DPP6: variants seen among roughly 807,000 people sequenced by gnomAD.
DPP6 encodes the protein dipeptidyl peptidase like 6, also known as A-type potassium channel modulatory protein DPP6.
DPP6 carries 69 observed loss-of-function variants against 122.6 expected under a neutral mutation model. The observed-to-expected ratio is 0.56, with a 90% CI of 0.46 to 0.69. DPP6 has a LOEUF of 0.69. Among genes scored for constraint, DPP6 ranks in the 30% least tolerant of loss-of-function variants. DPP6 has a pLI of 0.00. For synonymous variants in DPP6, 418 were observed against 433.1 expected (o/e 0.97, Z 0.43); for missense variants, 928 against 1,116.9 (o/e 0.83, Z 2.41).
intron 1 of DPP6, among the ~76,000 whole-genome samples, chr7:154,157,036 C>A (rs1375174254): frequency 1.3e-5 from 2 of 152,194 alleles, no homozygotes; most frequent in South Asian, 2.1e-4. Flanking sequence ...AAAAGATATA[C>A]CCTCACTGGG....
the DPP6 span, among the ~76,000 whole-genome samples, chr7:153,827,992 G>T: frequency 1.3e-5 from 2 of 152,174 alleles, no homozygotes; most frequent in African/African-American, 2.4e-5. Context: ...GTGTCAGTGG[G>T]GACTCCACAA....
chr7:154,407,832 G>A (rs1220385315), intron 1 of DPP6, among the ~76,000 whole-genome samples: 3 of 152,120 alleles, frequency 2.0e-5, no homozygotes, highest in African/African-American at 7.2e-5. Context: ...ATTATTACCT[G>A]CCTGTAGTAC....
chr7:154,225,522 C>T (rs781049208), intron 1 of DPP6, among the ~76,000 whole-genome samples: 49 of 151,930 alleles, frequency 3.2e-4, no homozygotes, highest in Non-Finnish European at 6.5e-4. Context: ...ACTTCCTTTA[C>T]CCAGTAATAA....
chr7:154,224,710 A>T (rs1800495375), intron 1 of DPP6, among the ~76,000 whole-genome samples: 1 of 149,554 alleles, frequency 6.7e-6, no homozygotes, highest in Admixed American at 6.6e-5. Context: ...TAGATTTTAA[A>T]ATTTACCAAT....
intron 1 of DPP6, among the ~76,000 whole-genome samples, chr7:154,041,055 G>A (rs1799737285): frequency 6.6e-6 from 1 of 152,070 alleles, no homozygotes; most frequent in Non-Finnish European, 1.5e-5. Flanking sequence ...ATTTGCTAAA[G>A]CATTATTTCT....
At chr7:153,818,483 ATAT>A in the DPP6 span, among the ~76,000 whole-genome samples, 1 of 152,244 alleles carries the variant, frequency 6.6e-6, no homozygotes, top group Non-Finnish European at 1.5e-5. Context: ...TTGTAGGATG[ATAT>A]TATAGACTAC....
At chr7:153,866,409 A>G in the DPP6 span, among the ~76,000 whole-genome samples, 13 of 152,214 alleles carry the variant, frequency 8.5e-5, no homozygotes, top group East Asian at 2.3e-3. Flanking sequence ...GCCAGTGATG[A>G]TGAGCATTTT....
At chr7:154,868,285 C>CA (rs1291463006) in intron 18 of DPP6, among the ~76,000 whole-genome samples, 192 bp downstream of exon 18, 20 of 151,932 alleles carry the variant, frequency 1.3e-4, no homozygotes, top group African/African-American at 4.6e-4. Context: ...GTGACAAAAC[C>CA]AAAAAAAGCA....
intron 7 of DPP6, among the ~76,000 whole-genome samples, chr7:154,715,402 A>G (rs941619590): frequency 2.0e-5 from 3 of 152,174 alleles, no homozygotes; most frequent in African/African-American, 7.2e-5. Context: ...ATATTTGTTG[A>G]GCTAATGTAC....
Position 154,794,064 on chromosome 7 carries a change from G to T in DPP6, c.1137-15G>T, listed in dbSNP as rs752361712. 6.2e-7 allele frequency: 1 copy of T among 1,612,012 alleles called. No individual in the cohort carries two copies. The highest frequency in any genetic ancestry group is 2.2e-5 in the East Asian group (1 of 44,794). ...GGTCCTGCCAAGCTGCTCATGCTGTGTTTGGCGTTTCCAGGGAGTACTACA... is the reference window on the plus strand; with the variant it reads ...GGTCCTGCCAAGCTGCTCATGCTGTTTTTGGCGTTTCCAGGGAGTACTACA... On this transcript the variant is annotated splice_polypyrimidine_tract_variant and intron_variant, in intron 10 of 25. Transcript: ENST00000377770.
At chr7:154,453,120 C>T (rs1407186805) in intron 2 of DPP6, among the ~76,000 whole-genome samples, 6 of 152,206 alleles carry the variant, frequency 3.9e-5, no homozygotes, top group African/African-American at 1.4e-4. Flanking sequence ...TCCGGTGCCA[C>T]AATCGCTGAC....
At chr7:154,394,567 A>G (rs1814916893) in intron 1 of DPP6, among the ~76,000 whole-genome samples, 1 of 151,900 alleles carries the variant, frequency 6.6e-6, no homozygotes. Flanking sequence ...ATTGTCTTTT[A>G]TGCAAAATTT....
chr7:153,914,133 T>C (rs964191806), intron 1 of DPP6, among the ~76,000 whole-genome samples: 1 of 152,122 alleles, frequency 6.6e-6, no homozygotes, highest in African/African-American at 2.4e-5. Context: ...GTCTTTCCCA[T>C]GCTGTTCTCG....
intron 1 of DPP6, among the ~76,000 whole-genome samples, chr7:154,367,291 G>A (rs927147776): frequency 1.3e-5 from 2 of 152,196 alleles, no homozygotes; most frequent in African/African-American, 4.8e-5. Flanking sequence ...TACTAGCCTT[G>A]GTTAACCTGG....
chr7:154,688,516 A>C (rs111609614), intron 7 of DPP6, among the ~76,000 whole-genome samples: 130 of 152,280 alleles, frequency 8.5e-4, no homozygotes, highest in Middle Eastern at 6.8e-3. Context: ...AATTAGTTAG[A>C]GGGACAGAAC....
intron 7 of DPP6, among the ~76,000 whole-genome samples, chr7:154,681,731 A>G (rs1301850539): frequency 2.6e-5 from 4 of 152,224 alleles, no homozygotes; most frequent in Non-Finnish European, 5.9e-5. Context: ...ATGTTTCACC[A>G]TTGGAAAATA....
chr7:154,843,200 G>T (rs531948203), intron 16 of DPP6, among the ~76,000 whole-genome samples: 1 of 152,352 alleles, frequency 6.6e-6, no homozygotes, highest in Admixed American at 6.5e-5. Flanking sequence ...TACTTGGAAG[G>T]TTGAGGTGGG....
chr7:154,435,245 C>T (rs1310688419), intron 1 of DPP6, among the ~76,000 whole-genome samples: 1 of 151,866 alleles, frequency 6.6e-6, no homozygotes, highest in Admixed American at 6.6e-5. Context: ...AGAGAGAGAA[C>T]AAGGAGAAGG....
chr7:154,056,519 C>T (rs1470113577), intron 1 of DPP6, among the ~76,000 whole-genome samples: 1 of 152,020 alleles, frequency 6.6e-6, no homozygotes, highest in Non-Finnish European at 1.5e-5. Context: ...GCCTTCTGTA[C>T]CATTAGAGCA....
Sources: allele counts gnomAD v4.1 joint callset (sites outside exome capture counted in the v4.1 genomes callset), GRCh38; gene constraint gnomAD v4.1.1; transcripts MANE v1.5; gene names NCBI Gene and HGNC (gene_info 2026-07-23, HGNC 2026-07-21).